Variants in TRPM3 observed in about 807,000 individuals in gnomAD.
TRPM3 encodes the protein long transient receptor potential channel 3.
A neutral mutation model predicts 181.2 loss-of-function variants in TRPM3; 77 were observed. That is an observed-to-expected ratio of 0.42 (90% confidence interval 0.35 to 0.51). The LOEUF (loss-of-function observed/expected upper bound fraction) is 0.51. Among genes scored for constraint, TRPM3 ranks in the 20% least tolerant of loss-of-function variants. The probability of loss-of-function intolerance (pLI) is 0.01; values close to 1 mark genes in which losing one functional copy is unlikely to be tolerated. For missense variants in TRPM3, 1,759 were observed against 2,196.7 expected (o/e 0.80, Z 3.98); for synonymous variants, 745 against 796.4 (o/e 0.94, Z 1.09).
chr9:70,663,454 T>TCTCACCATACC (rs2061399974), intron 9 of TRPM3, among the ~76,000 whole-genome samples: 1 of 152,204 alleles, frequency 6.6e-6, no homozygotes, highest in Non-Finnish European at 1.5e-5. Flanking sequence ...TGAATGAATG[T>TCTCACCATACC]CTCACCATAC....
chr9:71,200,316 G>C (rs536536609), intron 1 of TRPM3, among the ~76,000 whole-genome samples: 36 of 151,780 alleles, frequency 2.4e-4, no homozygotes, highest in South Asian at 8.4e-4. Flanking sequence ...TTTGGAATAG[G>C]TGTGGTGTGG....
At chr9:71,182,400 G>A (rs1276878638) in intron 1 of TRPM3, among the ~76,000 whole-genome samples, 2 of 151,944 alleles carry the variant, frequency 1.3e-5, no homozygotes, top group East Asian at 3.9e-4. Context: ...CCAATGAAAG[G>A]AACCCAAGTT....
intron 1 of TRPM3, among the ~76,000 whole-genome samples, chr9:71,225,333 G>T (rs1392822176): frequency 6.6e-6 from 1 of 151,740 alleles, no homozygotes; most frequent in Non-Finnish European, 1.5e-5. Context: ...GACGTAAAGT[G>T]GTGAAGAAAA....
chr9:70,859,685 T>C (rs1412314277), intron 3 of TRPM3, among the ~76,000 whole-genome samples: 2 of 152,062 alleles, frequency 1.3e-5, no homozygotes, highest in African/African-American at 2.4e-5. Context: ...GTCTCCAGAG[T>C]TCTTAGGGTC....
chr9:71,227,074 A>C (rs1480880106), intron 1 of TRPM3, among the ~76,000 whole-genome samples: 3 of 139,282 alleles, frequency 2.2e-5, no homozygotes, highest in Non-Finnish European at 3.0e-5. Flanking sequence ...ATGCCATTGC[A>C]CTCCAGTCTG....
In TRPM3 at chr9:70,894,715, T is replaced by C. The variant is rs577579728; in HGVS notation, c.178-30204A>G. ...CATCTATTTGGGCTGTCATACAGAA[T>C]TGCCATAATATTACCAAAATATATA... is the stretch of plus-strand genomic sequence containing the variant. On this transcript the variant is annotated intron_variant, in intron 1 of 25. Coordinates refer to ENST00000677713, the MANE Select transcript of TRPM3 (RefSeq NM_001366145.2). 2.0e-5 allele frequency among the ~76,000 whole-genome samples: 3 copies of C among 152,318 alleles called. No individual in the cohort carries two copies. The East Asian group carries it at 5.8e-4, about 29-fold the overall frequency.
chr9:70,535,385 A>C lies in TRPM3; in HGVS notation c.*568T>G, dbSNP rs1179852154. Reference sequence around the variant, plus strand: ...AATGATCAATTACAGAAGTGTTGGCATGAGAAGGATGTGGGACGTTAGGTA... The same window carrying C: ...AATGATCAATTACAGAAGTGTTGGCCTGAGAAGGATGTGGGACGTTAGGTA... On this transcript the variant is annotated 3_prime_UTR_variant, in exon 26 of 26. Transcript: ENST00000677713. The C allele has an allele frequency of 1.9e-6, 3 of 1,546,204 alleles. No homozygotes were observed. In the South Asian group the frequency reaches 3.6e-5, roughly 18 times the overall value.
intron 20 of TRPM3, among the ~76,000 whole-genome samples, chr9:70,599,474 T>C (rs2059525670): frequency 6.6e-6 from 1 of 152,192 alleles, no homozygotes; most frequent in South Asian, 2.1e-4. Flanking sequence ...ATGACTTCCA[T>C]TACAAATAGT....
rs372294629 is a variant in TRPM3 at position 70,784,146 on chromosome 9, C to T, written c.1107G>A (p.Ser369=). Residue 369 remains serine (S), a synonymous_variant, in exon 7 of 26, where the codon TCG becomes TCA. Transcript: ENST00000677713. ...ATTTATGCCCAAAGGCCAGGATGTC[C>T]GATGCCCGTCCACTCCCATCACAGA... The part of the protein sequence containing the change: ...VVVCDGSGRA[S]DILAFGHKYS... The T allele has an allele frequency of 1.0e-4, 165 of 1,613,694 alleles. No homozygotes were observed. The highest frequency in any genetic ancestry group is 7.7e-4 in the African/African-American group (58 of 74,982).
intron 1 of TRPM3, among the ~76,000 whole-genome samples, chr9:71,431,085 C>T (rs186105883): frequency 1.3e-5 from 2 of 152,168 alleles, no homozygotes. Flanking sequence ...CTATTCTAAC[C>T]TTGAGATAAA....
chr9:71,198,603 G>C (rs1446259259), intron 1 of TRPM3, among the ~76,000 whole-genome samples: 1 of 151,604 alleles, frequency 6.6e-6, no homozygotes, highest in Non-Finnish European at 1.5e-5. Context: ...TTGTAAGTTG[G>C]ATTCCTAGGT....
intron 1 of TRPM3, among the ~76,000 whole-genome samples, chr9:71,134,014 T>TGTGCGCGC (rs1554832860): frequency 1.0e-3 from 145 of 140,002 alleles, no homozygotes; most frequent in Admixed American, 1.8e-3. Flanking sequence ...TGTGTGTGTG[T>TGTGCGCGC]GCGCGTGCGC....
chr9:70,983,949 T>G (rs1207868531), intron 1 of TRPM3, among the ~76,000 whole-genome samples: 3 of 152,128 alleles, frequency 2.0e-5, no homozygotes, highest in Admixed American at 2.0e-4. Context: ...TACTGCAGAT[T>G]GTGGGTCAGA....
chr9:71,033,660 C>T (rs887376162), intron 1 of TRPM3, among the ~76,000 whole-genome samples: 3 of 152,134 alleles, frequency 2.0e-5, no homozygotes, highest in Non-Finnish European at 4.4e-5. Flanking sequence ...AGAATTGCAC[C>T]TTCTCCTACC....
chr9:71,197,147 T>C (rs566405254), intron 1 of TRPM3, among the ~76,000 whole-genome samples: 86 of 152,306 alleles, frequency 5.6e-4, no homozygotes, highest in African/African-American at 2.0e-3. Context: ...TGCGATAGTT[T>C]ACGGAGAAGG....
At chr9:70,550,024 G>T (rs924484494) in intron 24 of TRPM3, among the ~76,000 whole-genome samples, 2 of 152,084 alleles carry the variant, frequency 1.3e-5, no homozygotes, top group African/African-American at 4.8e-5. Context: ...CTGGGCTGGG[G>T]GTGTGGCAGA....
At position 70,773,762 on chromosome 9, in the gene TRPM3, T is replaced by C. The variant is rs757523114; in HGVS notation, c.1148+10343A>G. Reference sequence around the variant, plus strand: ...TATTATGTCTGTGTGGAAAGGCTCATATGATGGATAACTTAAACACTGTTG... The same window carrying C: ...TATTATGTCTGTGTGGAAAGGCTCACATGATGGATAACTTAAACACTGTTG... On this transcript the variant is annotated intron_variant, in intron 7 of 25. Coordinates refer to ENST00000677713, the MANE Select transcript of TRPM3 (RefSeq NM_001366145.2). 5.3e-5 allele frequency among the ~76,000 whole-genome samples: 8 copies of C among 152,182 alleles called. 1 individual carries two copies. The highest frequency in any genetic ancestry group is 8.8e-5 in the Non-Finnish European group (6 of 68,016).
intron 1 of TRPM3, among the ~76,000 whole-genome samples, chr9:71,162,843 A>G (rs1024455689): frequency 5.3e-5 from 8 of 152,150 alleles, no homozygotes; most frequent in Non-Finnish European, 7.4e-5. Flanking sequence ...TAAGGTAGAG[A>G]TGTGCCTGTA....
At chr9:70,745,787 T>C (rs982413050) in intron 8 of TRPM3, among the ~76,000 whole-genome samples, 1 of 152,186 alleles carries the variant, frequency 6.6e-6, no homozygotes, top group Non-Finnish European at 1.5e-5. Flanking sequence ...AAATTATATA[T>C]GCTTCCTCTT....
Sources: allele counts gnomAD v4.1 joint callset (sites outside exome capture counted in the v4.1 genomes callset), GRCh38; gene constraint gnomAD v4.1.1; transcripts MANE v1.5; gene names NCBI Gene and HGNC (gene_info 2026-07-23, HGNC 2026-07-21).